TXNDC16: variants seen among roughly 807,000 people sequenced by gnomAD.
The protein encoded by TXNDC16 is thioredoxin domain containing 16.
TXNDC16 carries 74 observed loss-of-function variants against 85.6 expected under a neutral mutation model. The observed-to-expected ratio is 0.86, with a 90% CI of 0.72 to 1.05. The LOEUF (loss-of-function observed/expected upper bound fraction) is 1.05. Ranked by LOEUF, TXNDC16 falls within the 50% of genes least tolerant of loss-of-function variation. The pLI is 0.00. For missense variants in TXNDC16, 959 were observed against 947.0 expected (o/e 1.01, Z -0.17); for synonymous variants, 335 against 326.5 (o/e 1.03, Z -0.28).
chr14:52,520,595 G>C (rs977855406), intron 6 of TXNDC16, among the ~76,000 whole-genome samples: 65 of 152,200 alleles, frequency 4.3e-4, no homozygotes, highest in African/African-American at 1.5e-3. Flanking sequence ...GGGCGACAGA[G>C]CGAGATTCTG....
Position 52,448,855 on chromosome 14 carries a change from C to T in TXNDC16, c.1842+6469G>A, listed in dbSNP as rs141998661. Among the ~76,000 whole-genome samples the T allele has an allele frequency of 5.2e-4, 79 of 151,892 alleles. 1 individual carries two copies. The East Asian group carries it at 6.8e-3, about 13-fold the overall frequency. Reference sequence around the variant, plus strand: ...TTTTATTAGTTTTCCTTTGCTTGTTCGTTTATGCAAACAGTGTTAAGTTGT... The same window carrying T: ...TTTTATTAGTTTTCCTTTGCTTGTTTGTTTATGCAAACAGTGTTAAGTTGT... On this transcript the variant is annotated intron_variant, in intron 18 of 20. Coordinates refer to ENST00000281741, the MANE Select transcript of TXNDC16 (RefSeq NM_020784.3).
At position 52,457,095 on chromosome 14, in the gene TXNDC16, C is replaced by T. The variant is rs761481191; in HGVS notation, c.1698G>A (p.Leu566=). The change falls in exon 17 of 21, where the codon TTG becomes TTA. Residue 566 remains leucine, a synonymous_variant. Transcript: ENST00000281741. The part of the protein sequence containing the change: ...ITGIYSEEDV[L]LLSTKYAASL... ...TAAAAGAGCAATAAACTTACAGTAG[C>T]AAAACATCTTCTTCAGAATAAATTC... The T allele has an allele frequency of 1.9e-6, 3 of 1,575,622 alleles. No individual in the cohort carries two copies. Among genetic ancestry groups the T allele is most frequent in the Non-Finnish European group, 2.6e-6 (3 of 1,163,516 alleles).
intron 1 of TXNDC16, among the ~76,000 whole-genome samples, chr14:52,545,207 G>A (rs1367598185): frequency 6.6e-6 from 1 of 152,060 alleles, no homozygotes; most frequent in Non-Finnish European, 1.5e-5. Flanking sequence ...TTGGACATCA[G>A]TGTTAACATA....
chr14:52,530,420 ATTAT>A (rs1566582568), intron 6 of TXNDC16, among the ~76,000 whole-genome samples: 1 of 15,002 alleles, frequency 6.7e-5, no homozygotes, highest in African/African-American at 4.1e-4. Context: ...ATTATATAAT[ATTAT>A]ATATAATAAT....
chr14:52,528,597 A>G (rs1188753052), intron 6 of TXNDC16, among the ~76,000 whole-genome samples: 2 of 151,630 alleles, frequency 1.3e-5, no homozygotes, highest in Non-Finnish European at 2.9e-5. Flanking sequence ...CATATCTAAT[A>G]GTAGATAACA....
intron 11 of TXNDC16, among the ~76,000 whole-genome samples, chr14:52,488,839 A>AAAAAC (rs985389754): frequency 1.3e-5 from 2 of 151,454 alleles, no homozygotes; most frequent in African/African-American, 4.9e-5. Context: ...GGGAAAAAAA[A>AAAAAC]AAAAAAAAAA....
rs1249364838 is a variant in TXNDC16 at position 52,529,675 on chromosome 14, A to G, written c.392+7044T>C. On this transcript the variant is annotated intron_variant, in intron 6 of 20. Coordinates refer to ENST00000281741, the MANE Select transcript of TXNDC16 (RefSeq NM_020784.3). ...ATTATATATAATGCCTATTATATATAATATATATAATGCCTATTATATATA... is the reference window on the plus strand; with the variant it reads ...ATTATATATAATGCCTATTATATATGATATATATAATGCCTATTATATATA... 1.1e-4 allele frequency among the ~76,000 whole-genome samples: 12 copies of G among 106,758 alleles called. No individual in the cohort carries two copies. The Admixed American group carries it at 1.2e-3, about 10-fold the overall frequency. The allele number at this position is 106,758 out of a possible 152,430, so 70.0% of individuals were successfully genotyped here. A position where few individuals can be genotyped will look rare whatever the true frequency, so the allele number is the denominator to read the frequency against.
At chr14:52,552,131 C>A (rs1489189348) in intron 1 of TXNDC16, among the ~76,000 whole-genome samples, 185 bp downstream of exon 1, 1 of 152,180 alleles carries the variant, frequency 6.6e-6, no homozygotes, top group Admixed American at 6.5e-5. Flanking sequence ...GTTCATGCAG[C>A]GAAAAGAGAA....
At chr14:52,490,522 G>A (rs904734512) in intron 10 of TXNDC16, 71 bp from the exon 11 acceptor site, 4 of 1,172,022 alleles carry the variant, frequency 3.4e-6, no homozygotes, top group Non-Finnish European at 4.8e-6. Context: ...GACTTCAATA[G>A]AAAATAGAAC....
At chr14:52,526,617 T>C (rs927566852) in intron 6 of TXNDC16, among the ~76,000 whole-genome samples, 1 of 152,206 alleles carries the variant, frequency 6.6e-6, no homozygotes, top group African/African-American at 2.4e-5. Flanking sequence ...TCTGTGATAC[T>C]GTAAAATATG....
chr14:52,490,699 T>C (rs1051537696), intron 10 of TXNDC16, 140 bp downstream of exon 10: 2 of 960,682 alleles, frequency 2.1e-6, no homozygotes, highest in African/African-American at 1.7e-5. Context: ...GTACAGATTT[T>C]AGCTCAGCAA....
At chr14:52,505,321 G>C (rs1205052278) in intron 9 of TXNDC16, among the ~76,000 whole-genome samples, 1 of 152,166 alleles carries the variant, frequency 6.6e-6, no homozygotes, top group Non-Finnish European at 1.5e-5. Context: ...ATAGTTGGAA[G>C]TAAAGCACTC....
chr14:52,548,009 T>C (rs1566593274), intron 1 of TXNDC16, among the ~76,000 whole-genome samples: 1 of 152,194 alleles, frequency 6.6e-6, no homozygotes, highest in Non-Finnish European at 1.5e-5. Context: ...TTCTGGAAGC[T>C]TTTAAGAGTC....
At chr14:52,467,927 G>A (rs146860027) in intron 16 of TXNDC16, among the ~76,000 whole-genome samples, 1 of 152,174 alleles carries the variant, frequency 6.6e-6, no homozygotes, top group Non-Finnish European at 1.5e-5. Flanking sequence ...AAATTGGAAG[G>A]AAATTCTGAC....
intron 5 of TXNDC16, 106 bp downstream of exon 5, chr14:52,537,493 T>TC: frequency 1.2e-6 from 1 of 800,732 alleles, no homozygotes; most frequent in Middle Eastern, 2.3e-4. Flanking sequence ...CTTTACATGA[T>TC]CCCCCCTACA....
chr14:52,448,175 T>G (rs893553295), intron 18 of TXNDC16, among the ~76,000 whole-genome samples: 1 of 151,606 alleles, frequency 6.6e-6, no homozygotes, highest in Non-Finnish European at 1.5e-5. Context: ...GAAAAAGATA[T>G]CAATATCCAA....
chr14:52,441,406 C>T lies in TXNDC16; in HGVS notation c.1843-682G>A, dbSNP rs894587554. Among the ~76,000 whole-genome samples the T allele has an allele frequency of 5.3e-5, 8 of 151,942 alleles. No individual in the cohort carries two copies. The East Asian group carries it at 1.5e-3, about 29-fold the overall frequency. ...GGCAGATCGCCTGAGGTCAGGAGTT[C>T]GAGACCAGCCTCACCAACATGGCAA... On this transcript the variant is annotated intron_variant, in intron 18 of 20. Coordinates refer to ENST00000281741, the MANE Select transcript of TXNDC16 (RefSeq NM_020784.3).
At chr14:52,533,819 G>T (rs565877905) in intron 6 of TXNDC16, among the ~76,000 whole-genome samples, 1 of 152,124 alleles carries the variant, frequency 6.6e-6, no homozygotes, top group Non-Finnish European at 1.5e-5. Context: ...GGGGTGTGGG[G>T]TAAGAGCGGA....
At chr14:52,451,824 G>A (rs2035419761) in intron 18 of TXNDC16, among the ~76,000 whole-genome samples, 1 of 152,068 alleles carries the variant, frequency 6.6e-6, no homozygotes. Context: ...ACATAGTACT[G>A]GAAGTCCTAG....
Sources: gnomAD v4.1 joint callset for allele counts (sites outside exome capture counted in the v4.1 genomes callset) on GRCh38, gnomAD v4.1.1 for gene constraint, MANE v1.5 for transcripts, NCBI Gene and HGNC (gene_info 2026-07-23, HGNC 2026-07-21) for gene names.